Variants in MUS81 observed in about 807,000 individuals in gnomAD.
MUS81 encodes the protein structure-specific endonuclease subunit MUS81.
A neutral mutation model predicts 74.2 loss-of-function variants in MUS81; 69 were observed. That is an observed-to-expected ratio of 0.93 (90% CI 0.77 to 1.14). MUS81 has a LOEUF of 1.14. MUS81 is among the 50% of genes most tolerant of loss of function. MUS81 has a pLI of 0.00. For synonymous variants in MUS81, 303 were observed against 300.6 expected, an observed-to-expected ratio of 1.01 and a Z score of -0.08; for missense variants, 711 against 726.5, an observed-to-expected ratio of 0.98 and a Z score of 0.25.
rs778841925 is a variant in MUS81 at position 65,866,008 on chromosome 11, A to G, written c.1612A>G (p.Arg538Gly). 6 of 1,613,966 alleles carry G rather than the reference A, an allele frequency of 3.7e-6. No homozygotes were observed. Among genetic ancestry groups the G allele is most frequent in the Admixed American group, 3.3e-5 (2 of 59,994 alleles). Residue 538 changes from arginine (R) to glycine (G), a missense_variant, in exon 16 of 16, where the codon AGG (arginine) becomes GGG (glycine). By Grantham distance (125) the Arg-to-Gly change is moderately radical. Coordinates refer to ENST00000308110, the MANE Select transcript of MUS81 (RefSeq NM_025128.5). ...LQRNLGPALSRTLSQLYCSYG... is the reference protein window; with the variant it reads ...LQRNLGPALSGTLSQLYCSYG... ...CAGGAATCTGGGGCCTGCTCTGAGC[A>G]GGACCTTATCCCAGCTCTACTGCAG... is the stretch of plus-strand genomic sequence containing the variant.
downstream of MUS81, chr11:65,867,586 A>C (rs1288518193): frequency 1.9e-6 from 1 of 517,178 alleles, no homozygotes; most frequent in Admixed American, 3.1e-5. Flanking sequence ...GGCCCTGCAC[A>C]CGCCATTCCC....
chr11:65,862,527 C>T lies in MUS81; in HGVS notation c.603C>T (p.Ala201=), dbSNP rs762918776. ...RNLVLRTHQP[A]RYSLTPEGLE... ...TGGTCCTCAGGACACACCAGCCAGC[C>T]AGGTGGGGCCAACTGCAGGAGATAC... Residue 201 remains alanine, a splice_region_variant and synonymous_variant, in exon 6 of 16, where the codon GCC becomes GCT. Coordinates refer to ENST00000308110, the MANE Select transcript of MUS81 (RefSeq NM_025128.5). 1.9e-6 allele frequency: 3 copies of T among 1,613,392 alleles called. No homozygotes were observed. The highest frequency in any genetic ancestry group is 1.7e-6 in the Non-Finnish European group (2 of 1,179,928).
chr11:65,867,043 G>T (rs765684268), downstream of MUS81: 8 of 1,614,030 alleles, frequency 5.0e-6, no homozygotes, highest in Admixed American at 1.3e-4. Context: ...GTCACCGGCC[G>T]GGCGAGGACC....
rs1217920208 is a variant in MUS81, at chr11:65,861,153, C to A, written c.265+51C>A. ...GATCCCCCACCTCCCCCAGGTGGAG[C>A]CTCCGTACTCTCCTGGGAGCCCTTG... On this transcript the variant is annotated intron_variant, in intron 2 of 15. Coordinates refer to ENST00000308110, the MANE Select transcript of MUS81 (RefSeq NM_025128.5). The A allele has an allele frequency of 1.9e-6, 3 of 1,608,736 alleles. No homozygotes were observed. In the South Asian group the frequency reaches 3.3e-5, roughly 18 times the overall value.
rs764588712 is a variant in MUS81 at position 65,863,391 on chromosome 11, A to G, written c.747-19A>G. ...GGCACAAGGGGTTCTGGCCTCACAT[A>G]CCAACACCCCCCACTTAGTGCCAGT... On this transcript the variant is annotated intron_variant, in intron 7 of 15. Transcript: ENST00000308110. 6.2e-7 allele frequency: 1 copy of G among 1,613,772 alleles called. No individual in the cohort carries two copies. Among genetic ancestry groups the G allele is most frequent in the East Asian group, 2.2e-5 (1 of 44,886 alleles).
At chr11:65,862,599 C>A (rs751475713) in intron 6 of MUS81, 70 bp downstream of exon 6, 10 of 1,405,884 alleles carry the variant, frequency 7.1e-6, no homozygotes, top group Non-Finnish European at 1.0e-5. Context: ...AGTCACCCAA[C>A]AACTCCCAGA....
chr11:65,864,136 G>A, intron 10 of MUS81: 1 of 600,138 alleles, frequency 1.7e-6, no homozygotes, highest in African/African-American at 1.9e-5. Flanking sequence ...AAGACCTCTT[G>A]GGTACCCAGC....
chr11:65,865,012 C>T lies in MUS81; in HGVS notation c.1273-5C>T, dbSNP rs779699850. On this transcript the variant is annotated splice_region_variant and splice_polypyrimidine_tract_variant and intron_variant, in intron 12 of 15. Coordinates refer to ENST00000308110, the MANE Select transcript of MUS81 (RefSeq NM_025128.5). ...CAGCCTGGCCTCAGTCCCTTCTTCC[C>T]TCAGGGCCACACCCTACGCAGCCGC... The T allele has an allele frequency of 4.3e-6, 7 of 1,613,310 alleles. No homozygotes were observed. The South Asian group carries it at 5.5e-5, about 13-fold the overall frequency.
downstream of MUS81, chr11:65,867,244 C>T (rs546860906): frequency 5.9e-5 from 43 of 733,132 alleles, no homozygotes; most frequent in Admixed American, 9.7e-4. Context: ...CGATGTCTCT[C>T]CTCCCCACCC....
rs1445787748 is a variant in MUS81 at position 65,860,852 on chromosome 11, C to G, written c.99C>G (p.Thr33=). ...RWLTEWRDEA[T]RSRRRTRFVF... The stretch of plus-strand genomic sequence containing the variant: ...TGACCGAGTGGCGGGACGAGGCGAC[C>G]CGCAGCAGGCGCCGCACGCGCTTCG... The change falls in exon 1 of 16, where the codon ACC becomes ACG. Residue 33 remains threonine (T), a synonymous_variant. Transcript: ENST00000308110. 1 of 1,545,600 alleles carries G rather than the reference C, an allele frequency of 6.5e-7. No individual in the cohort carries two copies. The highest frequency in any genetic ancestry group is 8.7e-7 in the Non-Finnish European group (1 of 1,147,474).
rs1224580053 is a variant in MUS81 at position 65,861,994 on chromosome 11, T to G, written c.399T>G (p.Ala133=). The G allele has an allele frequency of 6.2e-7, 1 of 1,611,398 alleles. No homozygotes were observed. Among genetic ancestry groups the G allele is most frequent in the East Asian group, 2.2e-5 (1 of 44,810 alleles). Residue 133 remains alanine, a synonymous_variant, in exon 4 of 16, where the codon GCT becomes GCG. Transcript: ENST00000308110. ...KAGGSGSYWP[A]RHSGARVILL... is the part of the protein sequence containing the mutation. ...GAGGCTCTGGCAGCTACTGGCCAGC[T>G]CGGCACTCAGGAGCCCGAGTGATAC...
downstream of MUS81, chr11:65,866,917 C>T: frequency 6.2e-7 from 1 of 1,614,160 alleles, no homozygotes; most frequent in Non-Finnish European, 8.5e-7. Context: ...CCTCCTGCTC[C>T]TCAGAAGGTG....
chr11:65,865,825 A>G lies in MUS81; in HGVS notation c.1520A>G (p.Tyr507Cys), dbSNP rs530353308. Residue 507 changes from tyrosine to cysteine, a missense_variant, in exon 15 of 16, where the codon TAT becomes TGT. Tyr to Cys is a radical substitution (Grantham distance 194, BLOSUM62 -2). Transcript: ENST00000308110. ...CTGCCCCCCAGCCTCCTGGCCGCCT[A>G]TGATGCCTGTGCCACCCCCAAGGAA... ...YSTPASLLAA[Y>C]DACATPKEQE... 1.4e-5 allele frequency: 22 copies of G among 1,613,784 alleles called. No homozygotes were observed. The South Asian group carries it at 1.4e-4, about 10-fold the overall frequency.
At position 65,860,564 on chromosome 11, in the gene MUS81, G is replaced by A; in HGVS notation, c.-190G>A. On this transcript the variant is annotated 5_prime_UTR_variant, in exon 1 of 16. Coordinates refer to ENST00000308110, the MANE Select transcript of MUS81 (RefSeq NM_025128.5). ...CAACCACTTAGAGCAGCGCAGGGGTGGGAGGGCGGCCGCAGGCTCTCCTCT... is the reference window on the plus strand; with the variant it reads ...CAACCACTTAGAGCAGCGCAGGGGTAGGAGGGCGGCCGCAGGCTCTCCTCT... 1.4e-6 allele frequency: 1 copy of A among 702,736 alleles called. No individual in the cohort carries two copies. Among genetic ancestry groups the A allele is most frequent in the African/African-American group, 1.8e-5 (1 of 56,266 alleles). 43.5% of individuals were successfully genotyped at this position (702,736 alleles called of 1,614,324 possible).
At chr11:65,866,678 G>C (rs1043468), downstream of MUS81, 1 of 705,830 alleles carries the variant, frequency 1.4e-6, no homozygotes, top group African/African-American at 1.7e-5. Flanking sequence ...TCGTGGTGCA[G>C]AGCTCCCAGC....
chr11:65,867,083 C>T, downstream of MUS81: 2 of 1,613,978 alleles, frequency 1.2e-6, no homozygotes, highest in Non-Finnish European at 1.7e-6. Context: ...TGATTTGCTG[C>T]AGGGCAGTGG....
downstream of MUS81, chr11:65,866,843 G>T (rs923861102): frequency 2.6e-6 from 4 of 1,568,282 alleles, no homozygotes; most frequent in South Asian, 4.5e-5. Context: ...TCCCTTTATT[G>T]CCTTTCTCAT....
Position 65,865,088 on chromosome 11 carries a change from C to T in MUS81, c.1344C>T (p.Asn448=), listed in dbSNP as rs1282709770. 8.1e-6 allele frequency: 13 copies of T among 1,614,074 alleles called. No homozygotes were observed. In the South Asian group the frequency reaches 8.8e-5, roughly 11 times the overall value. The change falls in exon 13 of 16, where the codon AAC becomes AAT. Residue 448 remains asparagine, a synonymous_variant. Coordinates refer to ENST00000308110, the MANE Select transcript of MUS81 (RefSeq NM_025128.5). Reference sequence around the variant, plus strand: ...AATCAGGGGCCATGACCTCTCCAAACCCTCTCTGCTCACTCCTCACCTTCA... The same window carrying T: ...AATCAGGGGCCATGACCTCTCCAAATCCTCTCTGCTCACTCCTCACCTTCA... ...NPESGAMTSP[N]PLCSLLTFSD...
downstream of MUS81, chr11:65,867,604 G>A (rs1043055791): frequency 1.9e-6 from 1 of 534,942 alleles, no homozygotes. Context: ...CCCTTGGTTT[G>A]TGGGTGAAGA....
Sources: allele counts gnomAD v4.1 joint callset, GRCh38; gene constraint gnomAD v4.1.1; transcripts MANE v1.5; gene names NCBI Gene and HGNC (gene_info 2026-07-23, HGNC 2026-07-21).